The following TRAPPC6A variants were observed in gnomAD, a reference collection of about 807,000 sequenced individuals.
TRAPPC6A encodes the protein TRAPP complex subunit 6A.
In TRAPPC6A, 25 loss-of-function variants were observed where a neutral mutation model predicts 20.8. The observed-to-expected ratio is 1.20, with a 90% CI of 0.88 to 1.68. The LOEUF is 1.68. TRAPPC6A is among the 40% of genes most tolerant of loss of function. The pLI is 0.00. For synonymous variants in TRAPPC6A, 96 were observed against 93.3 expected, an observed-to-expected ratio of 1.03 and a Z score of -0.16; for missense variants, 215 against 211.6, an observed-to-expected ratio of 1.02 and a Z score of -0.10.
Position 45,163,206 on chromosome 19 carries a change from T to C in TRAPPC6A, c.466A>G (p.Ile156Val). 1 of 1,613,854 alleles carries C rather than the reference T, an allele frequency of 6.2e-7. No individual in the cohort carries two copies. The highest frequency in any genetic ancestry group is 1.7e-5 in the Admixed American group (1 of 60,010). The change falls in exon 6 of 6, where the codon ATT becomes GTT. Residue 156 changes from isoleucine to valine, a missense_variant. Transcript: ENST00000585934. The surrounding 1 kb of genome is among the most constrained non-coding windows in gnomAD (Gnocchi z 5.3). Reference sequence around the variant, plus strand: ...GCGAGGCAGGCTTAGGATTTCGGAATCACCACCTGGAACTTACCTGGAAGA... The same window carrying C: ...GCGAGGCAGGCTTAGGATTTCGGAACCACCACCTGGAACTTACCTGGAAGA... ...ALPVCKFQVV[I>V]PKS
chr19:45,163,201 C>T lies in TRAPPC6A; in HGVS notation c.471G>A (p.Pro157=), dbSNP rs1241791583. The part of the protein sequence containing the change: ...LPVCKFQVVI[P]KS ...CAGGTGCGAGGCAGGCTTAGGATTT[C>T]GGAATCACCACCTGGAACTTACCTG... Residue 157 remains proline (P), a synonymous_variant, in exon 6 of 6, where the codon CCG becomes CCA. Coordinates refer to ENST00000585934, the MANE Select transcript of TRAPPC6A (RefSeq NM_001270891.2). The surrounding 1 kb of genome is among the most constrained non-coding windows in gnomAD (Gnocchi z 5.3). 15 of 1,613,762 alleles carry T rather than the reference C, an allele frequency of 9.3e-6. No individual in the cohort carries two copies. The highest frequency in any genetic ancestry group is 7.7e-5 in the South Asian group (7 of 91,080).
intron 1 of TRAPPC6A, 136 bp downstream of exon 1, chr19:45,177,999 G>C (rs1353319975): frequency 1.3e-4 from 188 of 1,478,744 alleles, no homozygotes; most frequent in Non-Finnish European, 1.7e-4. Flanking sequence ...TCCAAAGGAG[G>C]AAGCCAGGGC....
At chr19:45,177,452 T>C (rs1341946739) in intron 1 of TRAPPC6A, among the ~76,000 whole-genome samples, 1 of 152,132 alleles carries the variant, frequency 6.6e-6, no homozygotes, top group African/African-American at 2.4e-5. Flanking sequence ...GCCATTCTCC[T>C]GTCTCAGCCT....
At chr19:45,165,478 C>T (rs1969131931) in intron 1 of TRAPPC6A, among the ~76,000 whole-genome samples, 1 of 152,240 alleles carries the variant, frequency 6.6e-6, no homozygotes, top group Admixed American at 6.5e-5. Flanking sequence ...TGGGGGTCTT[C>T]CCCAGGCTCC....
At position 45,164,170 on chromosome 19, in the gene TRAPPC6A, T is replaced by C. The variant is rs11552653; in HGVS notation, c.348A>G (p.Ala116=). ...MASGLQYLEE[A]PKFLAFTCGL... ...GCCCCAGCTCCCCCCATACCTTGGG[T>C]GCTTCCTCCAGATACTGCAGGCCAG... The change falls in exon 4 of 6, where the codon GCA becomes GCG. Residue 116 remains alanine, a synonymous_variant. Coordinates refer to ENST00000585934, the MANE Select transcript of TRAPPC6A (RefSeq NM_001270891.2). 1,639 of 1,606,726 alleles carry C rather than the reference T, an allele frequency of 1.0e-3. 23 individuals carry two copies. The African/African-American group carries it at 0.02, about 19-fold the overall frequency.
chr19:45,165,306 T>C (rs936505885), intron 1 of TRAPPC6A, 112 bp from the exon 2 acceptor site: 5 of 1,043,804 alleles, frequency 4.8e-6, no homozygotes, highest in Non-Finnish European at 7.2e-6. Flanking sequence ...TGCTCGTCAG[T>C]TCAGGGGTGA....
At chr19:45,168,312 T>C (rs1969202694) in intron 1 of TRAPPC6A, among the ~76,000 whole-genome samples, 1 of 152,122 alleles carries the variant, frequency 6.6e-6, no homozygotes, top group African/African-American at 2.4e-5. Context: ...CCTGACCCTG[T>C]CTTAAAAAAT....
At chr19:45,164,313 G>C in intron 3 of TRAPPC6A, 66 bp from the exon 4 acceptor site, 51 of 1,044,360 alleles carry the variant, frequency 4.9e-5, no homozygotes, top group Non-Finnish European at 6.3e-5. Context: ...GGGAGGGTAA[G>C]CAGGAACCCA....
intron 1 of TRAPPC6A, among the ~76,000 whole-genome samples, chr19:45,169,039 C>A (rs1397075423): frequency 6.6e-6 from 1 of 152,250 alleles, no homozygotes; most frequent in Admixed American, 6.5e-5. Context: ...CTGCTTTCCT[C>A]CAGTGTCCTC....
rs1024524611 is a variant in TRAPPC6A at position 45,163,041 on chromosome 19, C to G, written c.*151G>C. The G allele has an allele frequency of 1.2e-6, 1 of 866,182 alleles. No homozygotes were observed. The highest frequency in any genetic ancestry group is 1.8e-6 in the Non-Finnish European group (1 of 567,390). 53.7% of individuals were successfully genotyped at this position (866,182 alleles called of 1,614,324 possible). Reference sequence around the variant, plus strand: ...TGGGACCCCTTTGCCTCCTCTGACACCCCCACCTCAATTTGATACCCACTT... The same window carrying G: ...TGGGACCCCTTTGCCTCCTCTGACAGCCCCACCTCAATTTGATACCCACTT... On this transcript the variant is annotated 3_prime_UTR_variant, in exon 6 of 6. Transcript: ENST00000585934. This position sits in a 1 kb window ranked among gnomAD's most constrained non-coding sequence, Gnocchi z 5.3.
rs749046869 is a variant in TRAPPC6A at position 45,164,249 on chromosome 19, T to TGGGG, written c.271-6_271-3dup. On this transcript the variant is annotated splice_region_variant and splice_polypyrimidine_tract_variant and intron_variant, in intron 3 of 5. Coordinates refer to ENST00000585934, the MANE Select transcript of TRAPPC6A (RefSeq NM_001270891.2). ...GTTGTCTTGCAGGACGTAGGTCCCC[T>TGGGG]GGGGGAGAGGAGAGGCTGGTGGGTG... is the stretch of plus-strand genomic sequence containing the variant. The TGGGG allele has an allele frequency of 6.3e-7, 1 of 1,597,534 alleles. No homozygotes were observed. Among genetic ancestry groups the TGGGG allele is most frequent in the African/African-American group, 1.3e-5 (1 of 74,432 alleles).
At chr19:45,166,005 G>A (rs1002074456) in intron 1 of TRAPPC6A, among the ~76,000 whole-genome samples, 22 of 151,904 alleles carry the variant, frequency 1.4e-4, no homozygotes, top group African/African-American at 4.6e-4. Flanking sequence ...TCCGCCTCCC[G>A]GGTTCTAGCA....
At chr19:45,167,611 T>C (rs1298052941) in intron 1 of TRAPPC6A, among the ~76,000 whole-genome samples, 1 of 152,186 alleles carries the variant, frequency 6.6e-6, no homozygotes, top group East Asian at 1.9e-4. Flanking sequence ...GCCTCCCCAG[T>C]AGCTGGGATT....
At position 45,167,019 on chromosome 19, in the gene TRAPPC6A, G is replaced by C. The variant is rs932112469; in HGVS notation, c.85-1825C>G. Among the ~76,000 whole-genome samples the C allele has an allele frequency of 3.3e-5, 5 of 152,202 alleles. No homozygotes were observed. The East Asian group carries it at 9.7e-4, about 29-fold the overall frequency. ...CATTCGCTCAGACTTCTGAGCCTTT[G>C]TACCGACTTCCTTCCCTTCCTCCCT... is the stretch of plus-strand genomic sequence containing the variant. On this transcript the variant is annotated intron_variant, in intron 1 of 5. Coordinates refer to ENST00000585934, the MANE Select transcript of TRAPPC6A (RefSeq NM_001270891.2).
chr19:45,168,609 G>A (rs1454149916), intron 1 of TRAPPC6A, among the ~76,000 whole-genome samples: 2 of 152,168 alleles, frequency 1.3e-5, no homozygotes, highest in African/African-American at 4.8e-5. Flanking sequence ...ATGGTCCCGG[G>A]AATCATTATT....
At position 45,174,938 on chromosome 19, in the gene TRAPPC6A, T is replaced by C. The variant is rs540982905; in HGVS notation, c.84+3197A>G. On this transcript the variant is annotated intron_variant, in intron 1 of 5. Transcript: ENST00000585934. ...GATCGAGACCATCCTGCCTAACACATTGAAACCCCGTCTCTACTAAAAATA... is the reference window on the plus strand; with the variant it reads ...GATCGAGACCATCCTGCCTAACACACTGAAACCCCGTCTCTACTAAAAATA... Among the ~76,000 whole-genome samples the C allele has an allele frequency of 8.3e-5, 11 of 131,972 alleles. No homozygotes were observed. In the South Asian group the frequency reaches 2.2e-3, roughly 27 times the overall value. The allele number at this position is 131,972 out of a possible 152,430, so 86.6% of individuals were successfully genotyped here.
chr19:45,163,847 G>T lies in TRAPPC6A; in HGVS notation c.448+69C>A. Reference sequence around the variant, plus strand: ...GCCTCCCAGGCACACACACAGGAGTGGGGCTGGAACTCTGAAGCCCCCAGC... The same window carrying T: ...GCCTCCCAGGCACACACACAGGAGTTGGGCTGGAACTCTGAAGCCCCCAGC... On this transcript the variant is annotated intron_variant, in intron 5 of 5. Transcript: ENST00000585934. The surrounding 1 kb of genome is among the most constrained non-coding windows in gnomAD (Gnocchi z 5.3). 2.9e-6 allele frequency: 4 copies of T among 1,375,034 alleles called. No individual in the cohort carries two copies. Among genetic ancestry groups the T allele is most frequent in the Non-Finnish European group, 4.0e-6 (4 of 992,534 alleles). 85.2% of individuals were successfully genotyped at this position (1,375,034 alleles called of 1,614,324 possible).
chr19:45,169,203 C>T (rs552319535), intron 1 of TRAPPC6A, among the ~76,000 whole-genome samples: 4 of 152,308 alleles, frequency 2.6e-5, no homozygotes, highest in East Asian at 1.9e-4. Context: ...GCAGAGCCAC[C>T]GCCTGGGTCC....
At chr19:45,164,586 G>C (rs966697504) in intron 3 of TRAPPC6A, 7 of 583,636 alleles carry the variant, frequency 1.2e-5, no homozygotes, top group South Asian at 8.2e-5. Flanking sequence ...CATCACACTG[G>C]GGGTAGGGCA....
Sources: allele counts gnomAD v4.1 joint callset (sites outside exome capture counted in the v4.1 genomes callset), GRCh38; gene constraint gnomAD v4.1.1; non-coding constraint Gnocchi (gnomAD v3.1); transcripts MANE v1.5; gene names NCBI Gene and HGNC (gene_info 2026-07-23, HGNC 2026-07-21).